COMMD7: variants seen among roughly 807,000 people sequenced by gnomAD.
COMMD7 encodes COMM domain-containing protein 7.
A neutral mutation model predicts 34.8 loss-of-function variants in COMMD7; 28 were observed. The observed-to-expected ratio is 0.80, with a 90% CI of 0.60 to 1.10. The LOEUF is 1.10. Ranked by LOEUF, COMMD7 falls within the 50% of genes least tolerant of loss-of-function variation. The pLI, the probability that COMMD7 is intolerant of heterozygous loss-of-function variation, is 0.00. For missense variants in COMMD7, 211 were observed against 241.6 expected (o/e 0.87, Z 0.84); for synonymous variants, 80 against 86.4 (o/e 0.93, Z 0.41).
intron 1 of COMMD7, among the ~76,000 whole-genome samples, chr20:32,741,185 T>G (rs1986424223): frequency 6.6e-6 from 1 of 150,678 alleles, no homozygotes. Context: ...TAGGCTAAGG[T>G]CAACTTATCA....
chr20:32,730,437 C>T (rs529829908), intron 1 of COMMD7, among the ~76,000 whole-genome samples: 2 of 152,160 alleles, frequency 1.3e-5, no homozygotes, highest in African/African-American at 2.4e-5. Flanking sequence ...TGCCTGTAAT[C>T]CTAGCTACTC....
intron 3 of COMMD7, among the ~76,000 whole-genome samples, chr20:32,721,473 G>T (rs1275514539): frequency 6.6e-6 from 1 of 151,288 alleles, no homozygotes; most frequent in African/African-American, 2.4e-5. Context: ...TGCTGGGCAG[G>T]ACGGCTTACG....
At chr20:32,734,226 G>A (rs1986013055) in intron 1 of COMMD7, among the ~76,000 whole-genome samples, 2 of 147,844 alleles carry the variant, frequency 1.4e-5, no homozygotes, top group African/African-American at 2.5e-5. Context: ...TGTAATCCCA[G>A]CACTTTGGGA....
intron 3 of COMMD7, among the ~76,000 whole-genome samples, chr20:32,727,026 T>TCAAG (rs1450031304): frequency 1.3e-5 from 2 of 152,052 alleles, no homozygotes; most frequent in African/African-American, 4.8e-5. Flanking sequence ...AGCTAGGAGT[T>TCAAG]TGAGACTAGC....
chr20:32,706,564 T>C lies in COMMD7; in HGVS notation c.336+19A>G. 4.4e-6 allele frequency: 7 copies of C among 1,590,148 alleles called. No individual in the cohort carries two copies. The highest frequency in any genetic ancestry group is 5.2e-6 in the Non-Finnish European group (6 of 1,160,874). ...AGGGATCTTAATCAGCCATTAACCT[T>C]GATTAAGAGGAATTATACCTTTTCA... is the stretch of plus-strand genomic sequence containing the variant. On this transcript the variant is annotated intron_variant, in intron 5 of 8. Transcript: ENST00000278980.
At chr20:32,704,632 G>C (rs905274912) in intron 6 of COMMD7, 143 bp from the exon 7 acceptor site, 6 of 949,036 alleles carry the variant, frequency 6.3e-6, no homozygotes, top group Non-Finnish European at 9.5e-6. Flanking sequence ...GTGTGCTTTT[G>C]GAAAGTCAAC....
intron 3 of COMMD7, among the ~76,000 whole-genome samples, chr20:32,721,143 A>G (rs180716115): frequency 6.0e-4 from 91 of 152,298 alleles, no homozygotes; most frequent in Admixed American, 4.9e-3. Context: ...GAGGCAGCAC[A>G]GGGTTGCAGC....
Position 32,704,477 on chromosome 20 carries a change from C to G in COMMD7, c.440G>C (p.Ser147Thr). 6.2e-7 allele frequency: 1 copy of G among 1,601,760 alleles called. No individual in the cohort carries two copies. Among genetic ancestry groups the G allele is most frequent in the Non-Finnish European group, 8.5e-7 (1 of 1,176,622 alleles). The change falls in exon 7 of 9, where the codon AGC becomes ACC. Residue 147 changes from serine (S) to threonine (T), a missense_variant. Transcript: ENST00000278980. Reference sequence around the variant, plus strand: ...ACTTCCCACTTTCTCCAATTCGCTGCTCCCAGATGTCACTGTGACAAAAAA... The same window carrying G: ...ACTTCCCACTTTCTCCAATTCGCTGGTCCCAGATGTCACTGTGACAAAAAA... ...MEWKFGVTSG[S>T]SELEKVGSIF...
At chr20:32,737,520 C>A (rs1252132093) in intron 1 of COMMD7, among the ~76,000 whole-genome samples, 3 of 151,488 alleles carry the variant, frequency 2.0e-5, no homozygotes, top group African/African-American at 7.3e-5. Context: ...TTTAAAAAAA[C>A]GAAAGAAAGA....
intron 3 of COMMD7, among the ~76,000 whole-genome samples, chr20:32,726,991 G>T (rs1985545181): frequency 6.6e-6 from 1 of 152,104 alleles, no homozygotes; most frequent in South Asian, 2.1e-4. Context: ...AGCACTTTGG[G>T]AGGCCAAGGC....
At chr20:32,722,697 C>A (rs1379496838) in intron 3 of COMMD7, among the ~76,000 whole-genome samples, 1 of 149,716 alleles carries the variant, frequency 6.7e-6, no homozygotes, top group Non-Finnish European at 1.5e-5. Flanking sequence ...GCACTCCAGC[C>A]TGGGTGACAG....
intron 3 of COMMD7, among the ~76,000 whole-genome samples, chr20:32,707,290 A>ATATATATAT (rs1555822509): frequency 5.6e-4 from 67 of 119,814 alleles, no homozygotes; most frequent in Admixed American, 9.8e-4. Flanking sequence ...TCTCAAAAAA[A>ATATATATAT]AAAAATATAT....
intron 3 of COMMD7, among the ~76,000 whole-genome samples, chr20:32,722,411 G>T (rs575342491): frequency 2.0e-5 from 3 of 152,032 alleles, no homozygotes; most frequent in African/African-American, 2.4e-5. Flanking sequence ...AAAGATGAAG[G>T]CCAGAGAATG....
chr20:32,704,326 T>C, intron 7 of COMMD7, 114 bp downstream of exon 7: 3 of 1,005,284 alleles, frequency 3.0e-6, no homozygotes, highest in Non-Finnish European at 4.4e-6. Context: ...TGCTCTGAGA[T>C]ATATAAGGTA....
rs192194514 is a variant in COMMD7, at chr20:32,740,150, T to C, written c.84+3158A>G. Reference sequence around the variant, plus strand: ...GGCTAACACGGTGAAACCCCATCTCTATTAAAAATATAAAAAATCAGCCGG... The same window carrying C: ...GGCTAACACGGTGAAACCCCATCTCCATTAAAAATATAAAAAATCAGCCGG... On this transcript the variant is annotated intron_variant, in intron 1 of 8. Coordinates refer to ENST00000278980, the MANE Select transcript of COMMD7 (RefSeq NM_053041.3). Among the ~76,000 whole-genome samples the C allele has an allele frequency of 2.8e-5, 4 of 141,702 alleles. 1 individual carries two copies. The highest frequency in any genetic ancestry group is 6.1e-5 in the Non-Finnish European group (4 of 65,268). 93.0% of individuals were successfully genotyped at this position (141,702 alleles called of 152,430 possible).
chr20:32,734,549 A>C (rs1207007877), intron 1 of COMMD7, among the ~76,000 whole-genome samples: 2 of 152,132 alleles, frequency 1.3e-5, no homozygotes, highest in African/African-American at 2.4e-5. Flanking sequence ...ATATATATAA[A>C]AATTCAAAGC....
At chr20:32,728,928 CTG>C (rs1025039617) in intron 1 of COMMD7, among the ~76,000 whole-genome samples, 13 of 152,020 alleles carry the variant, frequency 8.6e-5, no homozygotes, top group Admixed American at 2.6e-4. Context: ...CAACAATAAA[CTG>C]TAACACTTTA....
Position 32,724,402 on chromosome 20 carries a change from G to T in COMMD7, c.241+3491C>A, listed in dbSNP as rs1267202564. On this transcript the variant is annotated intron_variant, in intron 3 of 8. Transcript: ENST00000278980. ...CCGGCCGCCCCTACTGGGAAGTGAG[G>T]AGCCCCTCTGCCCGGCCACCACCCC... Among the ~76,000 whole-genome samples the T allele has an allele frequency of 2.1e-4, 3 of 14,010 alleles. No individual in the cohort carries two copies. In the East Asian group the frequency reaches 3.3e-3, roughly 16 times the overall value. 9.2% of individuals were successfully genotyped at this position (14,010 alleles called of 152,430 possible).
intron 1 of COMMD7, among the ~76,000 whole-genome samples, chr20:32,735,423 T>C (rs988464450): frequency 3.3e-5 from 5 of 151,492 alleles, no homozygotes; most frequent in African/African-American, 1.2e-4. Flanking sequence ...GTACAAGTGA[T>C]TATCCTCCTC....
Sources: allele counts gnomAD v4.1 joint callset (sites outside exome capture counted in the v4.1 genomes callset), GRCh38; gene constraint gnomAD v4.1.1; transcripts MANE v1.5; gene names NCBI Gene and HGNC (gene_info 2026-07-23, HGNC 2026-07-21).